LHFPL3: variants seen among roughly 807,000 people sequenced by gnomAD.
The protein encoded by LHFPL3 is LHFPL tetraspan subfamily member 3.
A neutral mutation model predicts 19.3 loss-of-function variants in LHFPL3; 5 were observed. The observed-to-expected ratio is 0.26, with a 90% CI of 0.14 to 0.54. The LOEUF (loss-of-function observed/expected upper bound fraction) is 0.54, where lower values mean the gene tolerates loss of function less well. Ranked by LOEUF, LHFPL3 falls within the 20% of genes least tolerant of loss-of-function variation. LHFPL3 has a pLI of 0.94. For synonymous variants in LHFPL3, 133 were observed against 126.2 expected (o/e 1.05, Z -0.36); for missense variants, 249 against 307.4 (o/e 0.81, Z 1.42).
At chr7:104,544,707 A>G (rs1413342647) in intron 1 of LHFPL3, among the ~76,000 whole-genome samples, 1 of 152,168 alleles carries the variant, frequency 6.6e-6, no homozygotes, top group African/African-American at 2.4e-5. Flanking sequence ...ATATCTGCAA[A>G]GATGATTTTT....
chr7:104,610,610 T>C (rs1318484133), intron 1 of LHFPL3, among the ~76,000 whole-genome samples: 2 of 152,102 alleles, frequency 1.3e-5, no homozygotes, highest in African/African-American at 4.8e-5. Context: ...AGGAGAAGTC[T>C]AATGTCTCAG....
intron 1 of LHFPL3, among the ~76,000 whole-genome samples, chr7:104,564,543 T>A (rs1790081635): frequency 6.6e-6 from 1 of 152,224 alleles, no homozygotes; most frequent in Admixed American, 6.5e-5. Flanking sequence ...TATAATCTGA[T>A]CATCTAAATA....
At chr7:104,355,651 T>C (rs1024715563) in intron 1 of LHFPL3, among the ~76,000 whole-genome samples, 1 of 152,182 alleles carries the variant, frequency 6.6e-6, no homozygotes, top group Non-Finnish European at 1.5e-5. Flanking sequence ...GAACCAACCT[T>C]AGAAAAATAA....
At chr7:104,402,675 G>T (rs1270615253) in intron 1 of LHFPL3, among the ~76,000 whole-genome samples, 1 of 152,198 alleles carries the variant, frequency 6.6e-6, no homozygotes, top group Admixed American at 6.5e-5. Flanking sequence ...CAGGGCCAGG[G>T]CCTCTCCCCA....
chr7:104,382,285 T>C (rs1790843118), intron 1 of LHFPL3, among the ~76,000 whole-genome samples: 1 of 152,082 alleles, frequency 6.6e-6, no homozygotes, highest in Non-Finnish European at 1.5e-5. Flanking sequence ...GCAATTTCTG[T>C]TGAAATTGCC....
At chr7:104,840,347 A>C (rs1584568852) in intron 2 of LHFPL3, among the ~76,000 whole-genome samples, 2 of 122,436 alleles carry the variant, frequency 1.6e-5, no homozygotes, top group African/African-American at 3.2e-5. Flanking sequence ...ACAAGGTCTC[A>C]CTCTGTCACC....
At chr7:104,882,597 A>G (rs900023741) in intron 2 of LHFPL3, among the ~76,000 whole-genome samples, 1 of 152,168 alleles carries the variant, frequency 6.6e-6, no homozygotes, top group Non-Finnish European at 1.5e-5. Flanking sequence ...ACATCCATAG[A>G]GACAGAAAGT....
chr7:104,402,138 T>C (rs73403864), intron 1 of LHFPL3, among the ~76,000 whole-genome samples: 6,188 of 150,804 alleles, frequency 0.041, 439 homozygotes, highest in African/African-American at 0.14. Context: ...AGCTTCCAAG[T>C]CATGAGTAGT....
At chr7:104,590,208 G>A (rs139587210) in intron 1 of LHFPL3, among the ~76,000 whole-genome samples, 1 of 152,016 alleles carries the variant, frequency 6.6e-6, no homozygotes, top group Non-Finnish European at 1.5e-5. Context: ...TGATGTTAGG[G>A]TGTCAATTTT....
intron 1 of LHFPL3, among the ~76,000 whole-genome samples, chr7:104,445,132 A>G (rs1792306854): frequency 6.6e-6 from 1 of 152,098 alleles, no homozygotes; most frequent in African/African-American, 2.4e-5. Context: ...TTTTAATGCT[A>G]TATTGGTCAT....
chr7:104,650,438 A>G (rs1322088034), intron 1 of LHFPL3, among the ~76,000 whole-genome samples: 52 of 152,340 alleles, frequency 3.4e-4, no homozygotes, highest in Non-Finnish European at 4.4e-5. Context: ...CTTAGCGAGC[A>G]GTCCCTTCAG....
chr7:104,760,992 G>A (rs1056112671), intron 2 of LHFPL3, among the ~76,000 whole-genome samples: 1 of 150,516 alleles, frequency 6.6e-6, no homozygotes, highest in Non-Finnish European at 1.5e-5. Flanking sequence ...CAAAAGGACA[G>A]CAGACCCAGG....
At chr7:104,670,138 C>CTTT (rs71155516) in intron 1 of LHFPL3, among the ~76,000 whole-genome samples, 1 of 140,584 alleles carries the variant, frequency 7.1e-6, no homozygotes, top group African/African-American at 2.6e-5. Flanking sequence ...GAGGGAATTC[C>CTTT]TTTTTTTTTT....
chr7:104,451,816 C>T (rs1792444961), intron 1 of LHFPL3, among the ~76,000 whole-genome samples: 1 of 151,998 alleles, frequency 6.6e-6, no homozygotes, highest in African/African-American at 2.4e-5. Context: ...ATGATCTCGG[C>T]TCACTGCAAC....
rs866704482 is a variant in LHFPL3 at position 104,588,230 on chromosome 7, T to A, written c.446-148445T>A. On this transcript the variant is annotated intron_variant, in intron 1 of 2. Transcript: ENST00000424859. Reference sequence around the variant, plus strand: ...GAATGGTATTGCCTAGGTTTTCTTCTAAGGTTTTTATGGTTTCAGGTCCAA... The same window carrying A: ...GAATGGTATTGCCTAGGTTTTCTTCAAAGGTTTTTATGGTTTCAGGTCCAA... Among the ~76,000 whole-genome samples, 2 of 152,230 alleles carry A rather than the reference T, an allele frequency of 1.3e-5. 1 individual carries two copies. The highest frequency in any genetic ancestry group is 6.3e-3 in the Middle Eastern group (2 of 316).
At chr7:104,620,757 C>T (rs1251904618) in intron 1 of LHFPL3, among the ~76,000 whole-genome samples, 4 of 152,138 alleles carry the variant, frequency 2.6e-5, no homozygotes, top group African/African-American at 7.2e-5. Flanking sequence ...TCCTGTGTGT[C>T]GGAGTACAGT....
At chr7:104,807,035 G>GTA (rs1790374383) in intron 2 of LHFPL3, among the ~76,000 whole-genome samples, 11 of 151,600 alleles carry the variant, frequency 7.3e-5, no homozygotes, top group Admixed American at 7.2e-4. Context: ...GTGTGTGTGT[G>GTA]TGTGTGTGTG....
intron 1 of LHFPL3, among the ~76,000 whole-genome samples, chr7:104,664,982 A>G (rs1275547584): frequency 6.6e-6 from 1 of 152,200 alleles, no homozygotes; most frequent in Non-Finnish European, 1.5e-5. Flanking sequence ...TACACACGTA[A>G]CAACTATCTT....
At chr7:104,752,278 A>G (rs929336679) in intron 2 of LHFPL3, among the ~76,000 whole-genome samples, 2 of 152,252 alleles carry the variant, frequency 1.3e-5, no homozygotes, top group East Asian at 1.9e-4. Context: ...GCTCTGCTAC[A>G]TATTCGCAAT....
Sources: gnomAD v4.1 joint callset for allele counts (sites outside exome capture counted in the v4.1 genomes callset) on GRCh38, gnomAD v4.1.1 for gene constraint, MANE v1.5 for transcripts, NCBI Gene and HGNC (gene_info 2026-07-23, HGNC 2026-07-21) for gene names.